The following ZNG1A variants were observed in gnomAD, a reference collection of about 807,000 sequenced individuals.
ZNG1A encodes Zn regulated GTPase metalloprotein activator 1A.
At chr9:150,391 G>T in the ZNG1A span, 1 of 968,916 alleles carries the variant, frequency 1.0e-6, no homozygotes, top group Non-Finnish European at 1.2e-6. Flanking sequence ...CTCCCAAAGT[G>T]CTGGGATTAC....
At chr9:168,618 T>C in the ZNG1A span, among the ~76,000 whole-genome samples, 852 of 148,462 alleles carry the variant, frequency 5.7e-3, 7 homozygotes, top group African/African-American at 0.021. Context: ...AGGACTTTCA[T>C]AGCTATAGAG....
At chr9:164,094 T>C in the ZNG1A span, 3 of 1,523,116 alleles carry the variant, frequency 2.0e-6, no homozygotes, top group Non-Finnish European at 1.8e-6. Context: ...AGAAACATGA[T>C]TCTATCCATG....
chr9:167,168 C>T, the ZNG1A span: 2 of 151,540 alleles, frequency 1.3e-5, no homozygotes, highest in Middle Eastern at 3.4e-3. Context: ...ACTAGATGTC[C>T]CAAAATAATA....
the ZNG1A span, among the ~76,000 whole-genome samples, chr9:169,670 C>G: frequency 1.3e-5 from 2 of 149,270 alleles, 1 homozygote; most frequent in African/African-American, 5.0e-5. Context: ...GTAACTACTA[C>G]CCTGATTGGT....
At chr9:121,267 A>C in the ZNG1A span, 1 of 703,468 alleles carries the variant, frequency 1.4e-6, no homozygotes, top group Non-Finnish European at 2.2e-6. Flanking sequence ...ATTCTTTAAA[A>C]AAAAGGATAT....
At chr9:171,459 G>A in the ZNG1A span, 2 of 152,092 alleles carry the variant, frequency 1.3e-5, no homozygotes, top group Non-Finnish European at 2.9e-5. Flanking sequence ...TCAAGAATTA[G>A]AGCTTGGTAA....
At chr9:170,447 G>A in the ZNG1A span, among the ~76,000 whole-genome samples, 2 of 150,664 alleles carry the variant, frequency 1.3e-5, no homozygotes, top group African/African-American at 4.9e-5. Context: ...GTGCAGTGGC[G>A]TGATCTCGGC....
At chr9:127,003 G>A in the ZNG1A span, among the ~76,000 whole-genome samples, 2 of 152,044 alleles carry the variant, frequency 1.3e-5, no homozygotes, top group African/African-American at 4.8e-5. Context: ...GTTCCTTTTG[G>A]AGTTGATTTC....
At chr9:121,955 A>T in the ZNG1A span, 1 of 1,611,930 alleles carries the variant, frequency 6.2e-7, no homozygotes, top group Admixed American at 1.7e-5. Flanking sequence ...ATCCTTTGAG[A>T]CTTACCAAGG....
chr9:150,370 C>A, the ZNG1A span: 1 of 957,708 alleles, frequency 1.0e-6, no homozygotes, highest in Non-Finnish European at 1.2e-6. Flanking sequence ...TCGTGATCCA[C>A]CCACCTTGGC....
chr9:170,312 T>C, the ZNG1A span, among the ~76,000 whole-genome samples: 2 of 151,052 alleles, frequency 1.3e-5, no homozygotes, highest in Non-Finnish European at 2.9e-5. Flanking sequence ...CATAGAGAGA[T>C]CCCTGGAATA....
the ZNG1A span, among the ~76,000 whole-genome samples, chr9:161,314 C>A: frequency 6.6e-6 from 1 of 151,610 alleles, no homozygotes; most frequent in East Asian, 1.9e-4. Flanking sequence ...ACTAAAAATA[C>A]AAAATTAGCT....
chr9:173,913 C>A, the ZNG1A span, among the ~76,000 whole-genome samples: 1 of 152,030 alleles, frequency 6.6e-6, no homozygotes, highest in Non-Finnish European at 1.5e-5. Context: ...ATAGGGAGGC[C>A]AAGGCGGGCG....
At chr9:159,966 T>C in the ZNG1A span, 3 of 400,774 alleles carry the variant, frequency 7.5e-6, no homozygotes, top group African/African-American at 6.4e-5. Flanking sequence ...TTGTGCAATA[T>C]AACAGACGAA....
the ZNG1A span, among the ~76,000 whole-genome samples, chr9:129,365 G>A: frequency 1.3e-5 from 2 of 151,694 alleles, no homozygotes; most frequent in African/African-American, 4.9e-5. Flanking sequence ...TTGCAAATGT[G>A]AGACTTTTAA....
chr9:158,667 G>A, the ZNG1A span, among the ~76,000 whole-genome samples: 13 of 150,620 alleles, frequency 8.6e-5, no homozygotes, highest in Admixed American at 4.0e-4. Flanking sequence ...GTAGACTAAC[G>A]TTTTACTACT....
At chr9:156,232 C>T in the ZNG1A span, among the ~76,000 whole-genome samples, 7 of 149,458 alleles carry the variant, frequency 4.7e-5, no homozygotes, top group South Asian at 2.1e-4. Context: ...TAATATTTCC[C>T]GAGTTCCTCA....
At chr9:161,603 G>A in the ZNG1A span, 34 of 1,286,476 alleles carry the variant, frequency 2.6e-5, no homozygotes, top group East Asian at 3.9e-4. Flanking sequence ...GATTGGGAAC[G>A]GGTCAGTGGG....
the ZNG1A span, among the ~76,000 whole-genome samples, chr9:132,576 C>T: frequency 1.3e-5 from 1 of 74,288 alleles, no homozygotes; most frequent in Non-Finnish European, 2.7e-5. Context: ...AAAACCCAAA[C>T]ATCGAATTGT....
Sources: allele counts gnomAD v4.1 joint callset (sites outside exome capture counted in the v4.1 genomes callset), GRCh38; gene constraint gnomAD v4.1.1; transcripts MANE v1.5; gene names NCBI Gene and HGNC (gene_info 2026-07-23, HGNC 2026-07-21).